The following PLCB1 variants were observed in gnomAD, a reference collection of about 807,000 sequenced individuals.
PLCB1 encodes phospholipase C beta 1.
Under a neutral mutation model 161.8 loss-of-function variants are expected in PLCB1, and 46 were observed. That is an observed-to-expected ratio of 0.28 (90% confidence interval 0.22 to 0.36). PLCB1 has a LOEUF of 0.36. PLCB1 is among the 10% of genes least tolerant of loss of function. The pLI, the probability that PLCB1 is intolerant of heterozygous loss-of-function variation, is 1.00. For synonymous variants in PLCB1, 517 were observed against 503.7 expected, an observed-to-expected ratio of 1.03 and a Z score of -0.35; for missense variants, 1,016 against 1,472.5, an observed-to-expected ratio of 0.69 and a Z score of 5.07.
At chr20:8,527,251 C>T (rs1056806210) in intron 3 of PLCB1, among the ~76,000 whole-genome samples, 11 of 151,924 alleles carry the variant, frequency 7.2e-5, no homozygotes, top group Admixed American at 1.3e-4. Flanking sequence ...TTAAATAGCA[C>T]CTAGTATCCA....
At chr20:8,699,504 A>G (rs1249386818) in intron 11 of PLCB1, among the ~76,000 whole-genome samples, 1 of 152,122 alleles carries the variant, frequency 6.6e-6, no homozygotes, top group Non-Finnish European at 1.5e-5. Context: ...ATTTTTTTTT[A>G]AAGAAGATTG....
chr20:8,203,535 A>G (rs751451748), intron 2 of PLCB1, among the ~76,000 whole-genome samples: 3 of 152,074 alleles, frequency 2.0e-5, no homozygotes, highest in Non-Finnish European at 1.5e-5. Context: ...CTCTGAAAAG[A>G]GAGAAGTACA....
At chr20:8,237,944 C>T (rs1980411247) in intron 2 of PLCB1, among the ~76,000 whole-genome samples, 2 of 152,034 alleles carry the variant, frequency 1.3e-5, no homozygotes, top group African/African-American at 4.8e-5. Context: ...TTAAGATATA[C>T]AAGTTAAAGA....
chr20:8,420,851 A>C (rs1318017874), intron 3 of PLCB1, among the ~76,000 whole-genome samples: 1 of 152,202 alleles, frequency 6.6e-6, no homozygotes, highest in Non-Finnish European at 1.5e-5. Context: ...AGTAGCAGAA[A>C]GGTCCAAATC....
At chr20:8,523,942 A>G (rs1984482724) in intron 3 of PLCB1, among the ~76,000 whole-genome samples, 1 of 152,114 alleles carries the variant, frequency 6.6e-6, no homozygotes, top group South Asian at 2.1e-4. Flanking sequence ...GGCGGAGTTA[A>G]TACGTGAAAT....
intron 3 of PLCB1, among the ~76,000 whole-genome samples, chr20:8,531,970 G>C (rs1468359199): frequency 6.6e-6 from 1 of 151,860 alleles, no homozygotes; most frequent in African/African-American, 2.4e-5. Context: ...ATGTAAAAAT[G>C]ATAGTGAGTT....
intron 10 of PLCB1, 28 bp from the exon 11 acceptor site, chr20:8,697,598 T>C: frequency 6.2e-7 from 1 of 1,612,736 alleles, no homozygotes; most frequent in Non-Finnish European, 8.5e-7. Context: ...CATGGGAATC[T>C]GGGGTTTGTT....
chr20:8,640,908 T>C (rs566570728), intron 4 of PLCB1, among the ~76,000 whole-genome samples: 1 of 152,314 alleles, frequency 6.6e-6, no homozygotes, highest in South Asian at 2.1e-4. Context: ...TCATTTTCAT[T>C]TCATTTCACC....
At chr20:8,383,109 A>T (rs1268211332) in intron 3 of PLCB1, among the ~76,000 whole-genome samples, 1 of 145,520 alleles carries the variant, frequency 6.9e-6, no homozygotes, top group Non-Finnish European at 1.5e-5. Flanking sequence ...TGTCTCATTG[A>T]TCTGTCTAAT....
intron 25 of PLCB1, among the ~76,000 whole-genome samples, chr20:8,764,738 C>T (rs1448705619): frequency 6.6e-6 from 1 of 152,118 alleles, no homozygotes; most frequent in African/African-American, 2.4e-5. Flanking sequence ...AGCACTTCCC[C>T]ATGGGATCAG....
chr20:8,422,577 A>C (rs1979583148), intron 3 of PLCB1, among the ~76,000 whole-genome samples: 1 of 152,236 alleles, frequency 6.6e-6, no homozygotes, highest in Non-Finnish European at 1.5e-5. Context: ...ATTATACCTC[A>C]ATAAAAACGT....
intron 2 of PLCB1, among the ~76,000 whole-genome samples, chr20:8,205,695 G>A (rs1978489862): frequency 6.6e-6 from 1 of 152,096 alleles, no homozygotes; most frequent in Non-Finnish European, 1.5e-5. Context: ...AGGTATTTTA[G>A]TTATTTGCAA....
intron 2 of PLCB1, among the ~76,000 whole-genome samples, chr20:8,368,621 T>A (rs1408019910): frequency 2.0e-5 from 3 of 152,086 alleles, no homozygotes; most frequent in African/African-American, 7.2e-5. Context: ...GATATATTTT[T>A]ATCCTATATA....
At chr20:8,264,905 A>G (rs1484241160) in intron 2 of PLCB1, among the ~76,000 whole-genome samples, 1 of 152,218 alleles carries the variant, frequency 6.6e-6, no homozygotes, top group African/African-American at 2.4e-5. Flanking sequence ...GGGGAAATGT[A>G]GCAATCCATG....
intron 10 of PLCB1, among the ~76,000 whole-genome samples, chr20:8,686,808 C>T (rs1990369663): frequency 6.6e-6 from 1 of 152,112 alleles, no homozygotes; most frequent in East Asian, 1.9e-4. Flanking sequence ...CCAGACTCAC[C>T]TTATTCCTTT....
chr20:8,586,817 G>A (rs1172987387), intron 3 of PLCB1, among the ~76,000 whole-genome samples: 1 of 152,122 alleles, frequency 6.6e-6, no homozygotes, highest in Non-Finnish European at 1.5e-5. Flanking sequence ...ACACCTTTGT[G>A]TTTAGGCTCA....
At chr20:8,556,410 A>G (rs1188104484) in intron 3 of PLCB1, among the ~76,000 whole-genome samples, 1 of 152,114 alleles carries the variant, frequency 6.6e-6, no homozygotes, top group African/African-American at 2.4e-5. Flanking sequence ...GTTATAAACA[A>G]TAGACAACCC....
intron 3 of PLCB1, among the ~76,000 whole-genome samples, chr20:8,493,393 T>C (rs557162627): frequency 6.6e-6 from 1 of 152,216 alleles, no homozygotes. Context: ...TATAACAAAT[T>C]TAATTTTCAT....
chr20:8,787,919 C>T (rs1469945910), intron 27 of PLCB1, among the ~76,000 whole-genome samples: 1 of 152,228 alleles, frequency 6.6e-6, no homozygotes, highest in Non-Finnish European at 1.5e-5. Context: ...ATGGGAAACT[C>T]ATGTTATCCT....
Sources: gnomAD v4.1 joint callset for allele counts (sites outside exome capture counted in the v4.1 genomes callset) on GRCh38, gnomAD v4.1.1 for gene constraint, MANE v1.5 for transcripts, NCBI Gene and HGNC (gene_info 2026-07-23, HGNC 2026-07-21) for gene names.